The following GRHL2 variants were observed in gnomAD, a reference collection of about 807,000 sequenced individuals.
GRHL2 encodes grainyhead-like protein 2 homolog.
Under a neutral mutation model 83.8 loss-of-function variants are expected in GRHL2, and 21 were observed. The ratio of observed to expected loss-of-function variants is 0.25; its 90% CI spans 0.18 to 0.36. The LOEUF (loss-of-function observed/expected upper bound fraction) is 0.36, where lower values mean the gene tolerates loss of function less well. Among genes scored for constraint, GRHL2 ranks in the 10% least tolerant of loss-of-function variants. The pLI is 1.00. For missense variants in GRHL2, 623 were observed against 781.8 expected, an observed-to-expected ratio of 0.80 and a Z score of 2.42; for synonymous variants, 280 against 278.9, an observed-to-expected ratio of 1.00 and a Z score of -0.04.
At position 101,583,744 on chromosome 8, in the gene GRHL2, C is replaced by T. The variant is rs184269734; in HGVS notation, c.1003+6225C>T. Among the ~76,000 whole-genome samples, 10 of 152,300 alleles carry T rather than the reference C, an allele frequency of 6.6e-5. No homozygotes were observed. In the East Asian group the frequency reaches 1.5e-3, roughly 24 times the overall value. ...CCTCAAATAGTGGATAATTCCAAAA[C>T]CACGTTCTCGGGAAGGCATATTTTT... is the stretch of plus-strand genomic sequence containing the variant. On this transcript the variant is annotated intron_variant, in intron 7 of 15. Coordinates refer to ENST00000646743, the MANE Select transcript of GRHL2 (RefSeq NM_024915.4).
chr8:101,590,770 A>C (rs1208991288), intron 7 of GRHL2, among the ~76,000 whole-genome samples: 2 of 152,198 alleles, frequency 1.3e-5, no homozygotes, highest in African/African-American at 4.8e-5. Flanking sequence ...AGCTTTTGTT[A>C]AAAGCATCTT....
chr8:101,624,204 A>G (rs1813029668), intron 9 of GRHL2, among the ~76,000 whole-genome samples: 1 of 149,402 alleles, frequency 6.7e-6, no homozygotes, highest in Non-Finnish European at 1.5e-5. Flanking sequence ...GACAGTACAC[A>G]GTAGAACAGT....
intron 9 of GRHL2, among the ~76,000 whole-genome samples, chr8:101,628,615 T>C (rs1162355287): frequency 6.6e-6 from 1 of 152,084 alleles, no homozygotes; most frequent in African/African-American, 2.4e-5. Context: ...CTGGTGTAGA[T>C]AGGGATTCCA....
At chr8:101,558,928 T>A (rs1424158320) in intron 4 of GRHL2, 116 bp downstream of exon 4, 1 of 1,160,066 alleles carries the variant, frequency 8.6e-7, no homozygotes, top group Non-Finnish European at 1.2e-6. Flanking sequence ...TAGCTTCAAT[T>A]AGTTTTTTAA....
chr8:101,554,665 A>G (rs1811455607), intron 3 of GRHL2, among the ~76,000 whole-genome samples: 1 of 152,246 alleles, frequency 6.6e-6, no homozygotes, highest in East Asian at 1.9e-4. Flanking sequence ...ATGTTAATAT[A>G]GTATCATTAC....
intron 13 of GRHL2, among the ~76,000 whole-genome samples, chr8:101,645,116 ATTTTTTTTTTT>A (rs553249046): frequency 6.1e-4 from 72 of 117,344 alleles, no homozygotes; most frequent in African/African-American, 1.9e-3. Context: ...GCAGTACAGA[ATTTTTTTTTTT>A]TTTTTTTTTT....
At chr8:101,623,549 C>T (rs1043410350) in intron 9 of GRHL2, among the ~76,000 whole-genome samples, 4 of 145,530 alleles carry the variant, frequency 2.7e-5, no homozygotes, top group South Asian at 2.1e-4. Flanking sequence ...AGACAGTTCA[C>T]GGTACCCAGT....
intron 1 of GRHL2, among the ~76,000 whole-genome samples, chr8:101,532,048 A>G (rs975627560): frequency 2.6e-5 from 4 of 152,240 alleles, no homozygotes; most frequent in African/African-American, 7.2e-5. Context: ...AGCTATCAAT[A>G]TCGTCCTGGG....
At position 101,570,398 on chromosome 8, in the gene GRHL2, A is replaced by C; in HGVS notation, c.734+4A>C. 1 of 1,612,090 alleles carries C rather than the reference A, an allele frequency of 6.2e-7. No homozygotes were observed. The highest frequency in any genetic ancestry group is 8.5e-7 in the Non-Finnish European group (1 of 1,178,112). ...ACATGTATGATCAGACATCAAGGTG[A>C]GTTACCAGGAGATGCATCCTTAGAA... On this transcript the variant is annotated splice_donor_region_variant and intron_variant, in intron 5 of 15. Transcript: ENST00000646743.
intron 14 of GRHL2, among the ~76,000 whole-genome samples, chr8:101,658,147 C>G (rs1813839745): frequency 6.6e-6 from 1 of 152,226 alleles, no homozygotes; most frequent in Admixed American, 6.5e-5. Context: ...CATTTGCAAG[C>G]TGCCTTTGAT....
intron 2 of GRHL2, among the ~76,000 whole-genome samples, chr8:101,551,668 A>G (rs796881349): frequency 7.3e-5 from 11 of 151,226 alleles, no homozygotes; most frequent in African/African-American, 2.7e-4. Context: ...AAAAAATTCA[A>G]TCAACCAACC....
chr8:101,663,643 AAAAAT>A (rs1813976105), intron 14 of GRHL2, among the ~76,000 whole-genome samples: 1 of 130,920 alleles, frequency 7.6e-6, no homozygotes, highest in Non-Finnish European at 1.6e-5. Flanking sequence ...ATAAATAAAT[AAAAAT>A]AAAAGTAGTA....
chr8:101,622,457 T>A (rs1586151260), intron 9 of GRHL2, among the ~76,000 whole-genome samples: 1 of 152,170 alleles, frequency 6.6e-6, no homozygotes, highest in East Asian at 1.9e-4. Context: ...GTAGATCTAA[T>A]TCTAAATGAT....
At chr8:101,612,038 G>A (rs1024093275) in intron 8 of GRHL2, among the ~76,000 whole-genome samples, 3 of 150,894 alleles carry the variant, frequency 2.0e-5, no homozygotes, top group Non-Finnish European at 4.4e-5. Flanking sequence ...TAGGCTGGAT[G>A]GAGTGCAATG....
At chr8:101,567,004 G>A (rs1487608336) in intron 4 of GRHL2, among the ~76,000 whole-genome samples, 1 of 152,090 alleles carries the variant, frequency 6.6e-6, no homozygotes, top group Non-Finnish European at 1.5e-5. Context: ...TTGAAAGAGT[G>A]AATGGGTAAA....
At chr8:101,658,618 G>A (rs1049320061) in intron 14 of GRHL2, among the ~76,000 whole-genome samples, 3 of 152,118 alleles carry the variant, frequency 2.0e-5, no homozygotes, top group African/African-American at 7.2e-5. Context: ...TGATTTGTGA[G>A]CCGAGGTGTT....
intron 1 of GRHL2, among the ~76,000 whole-genome samples, chr8:101,526,443 T>C (rs1364980178): frequency 6.6e-6 from 1 of 152,038 alleles, no homozygotes; most frequent in East Asian, 1.9e-4. Flanking sequence ...AAAAATTATA[T>C]CCATTAACCT....
At position 101,605,866 on chromosome 8, in the gene GRHL2, T is replaced by C. The variant is rs185167402; in HGVS notation, c.1098+6715T>C. On this transcript the variant is annotated intron_variant, in intron 8 of 15. Transcript: ENST00000646743. Reference sequence around the variant, plus strand: ...AGACATATCAGTGTTTTCTTCTCCATGCCTTTACACATCTATTCTTCATTT... The same window carrying C: ...AGACATATCAGTGTTTTCTTCTCCACGCCTTTACACATCTATTCTTCATTT... Among the ~76,000 whole-genome samples, 702 of 152,344 alleles carry C rather than the reference T, an allele frequency of 4.6e-3. 2 individuals carry two copies. The highest frequency in any genetic ancestry group is 0.019 in the South Asian group (90 of 4,830).
At chr8:101,530,059 G>A (rs1394157248) in intron 1 of GRHL2, among the ~76,000 whole-genome samples, 2 of 152,212 alleles carry the variant, frequency 1.3e-5, no homozygotes, top group African/African-American at 4.8e-5. Flanking sequence ...AACTAATGTT[G>A]TAGTTAGTTC....
Sources: allele counts gnomAD v4.1 joint callset (sites outside exome capture counted in the v4.1 genomes callset), GRCh38; gene constraint gnomAD v4.1.1; transcripts MANE v1.5; gene names NCBI Gene and HGNC (gene_info 2026-07-23, HGNC 2026-07-21).